Variants in OR10J1 observed in about 807,000 individuals in gnomAD.
The protein encoded by OR10J1 is olfactory receptor 10J1.
For missense variants in OR10J1, 474 were observed against 376.6 expected, an observed-to-expected ratio of 1.26 and a Z score of -2.14; for synonymous variants, 202 against 143.8, an observed-to-expected ratio of 1.40 and a Z score of -2.89.
At chr1:159,417,896 G>A in the OR10J1 span, among the ~76,000 whole-genome samples, 2 of 152,166 alleles carry the variant, frequency 1.3e-5, no homozygotes, top group Non-Finnish European at 2.9e-5. Flanking sequence ...GGTCTCAGAT[G>A]GAGATGAGAA....
At chr1:159,399,305 C>T in the OR10J1 span, among the ~76,000 whole-genome samples, 2 of 152,106 alleles carry the variant, frequency 1.3e-5, no homozygotes, top group Admixed American at 1.3e-4. Flanking sequence ...GGCGCGATGG[C>T]TCATGCCTGT....
the OR10J1 span, among the ~76,000 whole-genome samples, chr1:159,414,981 T>C: frequency 1.3e-5 from 2 of 152,192 alleles, no homozygotes; most frequent in African/African-American, 4.8e-5. Flanking sequence ...TAGTCCCTTG[T>C]GGGATGAATA....
the OR10J1 span, among the ~76,000 whole-genome samples, chr1:159,397,606 G>A: frequency 1.3e-5 from 2 of 152,122 alleles, no homozygotes; most frequent in African/African-American, 2.4e-5. Context: ...ATTGATGGTA[G>A]TCTGGCAGTA....
chr1:159,401,753 GC>G, the OR10J1 span, among the ~76,000 whole-genome samples: 6 of 151,854 alleles, frequency 4.0e-5, no homozygotes, highest in African/African-American at 1.4e-4. Flanking sequence ...TACAAGGCCA[GC>G]ATTATCCTGA....
chr1:159,406,529 G>A, the OR10J1 span: 141 of 191,790 alleles, frequency 7.4e-4, no homozygotes, highest in Non-Finnish European at 1.1e-3. Flanking sequence ...CTGATCAAGA[G>A]CTCAGCACTC....
chr1:159,426,622 A>G, the OR10J1 span, among the ~76,000 whole-genome samples: 9 of 151,880 alleles, frequency 5.9e-5, no homozygotes, highest in African/African-American at 2.2e-4. Flanking sequence ...AAAACATTCA[A>G]TGGTTTAGTA....
At chr1:159,438,868 G>T (rs915862620), upstream of OR10J1, among the ~76,000 whole-genome samples, 3 of 152,096 alleles carry the variant, frequency 2.0e-5, no homozygotes, top group Non-Finnish European at 4.4e-5. Context: ...ATGTATCTTT[G>T]GTGTAGCTGT....
Position 159,440,656 on chromosome 1 carries a change from T to A in OR10J1, c.865T>A (p.Tyr289Asn). 1 of 1,613,984 alleles carries A rather than the reference T, an allele frequency of 6.2e-7. No individual in the cohort carries two copies. Among genetic ancestry groups the A allele is most frequent in the South Asian group, 1.1e-5 (1 of 91,074 alleles). ...VITPLLNPVV[Y>N]TLRNKEVKDA... is the part of the protein sequence containing the mutation. ...CACTCCCCTACTGAACCCTGTGGTA[T>A]ACACCCTGAGAAATAAAGAGGTCAA... The change falls in exon 1 of 1, where the codon TAC (tyrosine) becomes AAC (asparagine). Residue 289 changes from tyrosine (Y) to asparagine (N), a missense_variant. Physicochemically the swap from Tyr to Asn is moderately radical, Grantham distance 143. Transcript: ENST00000423932.
At chr1:159,399,415 CA>C in the OR10J1 span, among the ~76,000 whole-genome samples, 1 of 151,400 alleles carries the variant, frequency 6.6e-6, no homozygotes. Context: ...CTAAAAAATA[CA>C]AAAAATTAGC....
the OR10J1 span, among the ~76,000 whole-genome samples, chr1:159,413,331 A>T: frequency 6.6e-6 from 1 of 151,982 alleles, no homozygotes; most frequent in Non-Finnish European, 1.5e-5. Context: ...CAGCCATCCC[A>T]TTACTGGGTA....
chr1:159,405,632 C>T, the OR10J1 span: 1 of 432,604 alleles, frequency 2.3e-6, no homozygotes, highest in South Asian at 2.2e-5. Context: ...TGGCTGATGA[C>T]CACTATGAGA....
At position 159,439,926 on chromosome 1, in the gene OR10J1, T is replaced by C. The variant is rs112577371; in HGVS notation, c.135T>C (p.Ile45=). The change falls in exon 1 of 1, where the codon ATT becomes ATC. Residue 45 remains isoleucine (I), a synonymous_variant. Transcript: ENST00000423932. ...YILTLAGNII[I]VTIIRMDLHL... Reference sequence around the variant, plus strand: ...TAACCTTAGCAGGCAATATCATCATTGTGACCATCATCCGAATGGATCTTC... The same window carrying C: ...TAACCTTAGCAGGCAATATCATCATCGTGACCATCATCCGAATGGATCTTC... The C allele has an allele frequency of 1.2e-6, 2 of 1,614,004 alleles. 1 individual carries two copies. Among genetic ancestry groups the C allele is most frequent in the South Asian group, 2.2e-5 (2 of 91,082 alleles).
the OR10J1 span, among the ~76,000 whole-genome samples, chr1:159,423,350 G>A: frequency 2.0e-5 from 3 of 152,176 alleles, no homozygotes; most frequent in African/African-American, 2.4e-5. Context: ...TTACATTTCT[G>A]TACATCTTGT....
the OR10J1 span, chr1:159,405,705 G>A: frequency 1.5e-6 from 1 of 665,756 alleles, no homozygotes; most frequent in Non-Finnish European, 2.7e-6. Context: ...TAAGGATGGT[G>A]TAGATGATGA....
the OR10J1 span, among the ~76,000 whole-genome samples, chr1:159,423,131 A>G: frequency 6.6e-6 from 1 of 152,136 alleles, no homozygotes; most frequent in African/African-American, 2.4e-5. Flanking sequence ...TTTTCTTTAT[A>G]CAACAGATGG....
the OR10J1 span, among the ~76,000 whole-genome samples, chr1:159,407,822 C>T: frequency 6.6e-6 from 1 of 152,150 alleles, no homozygotes; most frequent in South Asian, 2.1e-4. Context: ...AATTCAATAG[C>T]TAGTACATTT....
At chr1:159,415,081 T>C in the OR10J1 span, among the ~76,000 whole-genome samples, 3 of 151,980 alleles carry the variant, frequency 2.0e-5, no homozygotes, top group African/African-American at 4.8e-5. Context: ...TTTAATAGAG[T>C]TCAATTTATC....
the OR10J1 span, among the ~76,000 whole-genome samples, chr1:159,398,663 AAGAG>A: frequency 6.0e-3 from 919 of 152,344 alleles, 5 homozygotes; most frequent in Middle Eastern, 0.014. Flanking sequence ...GATCAAGAAG[AAGAG>A]AGAATTAGTG....
chr1:159,418,622 G>A, the OR10J1 span, among the ~76,000 whole-genome samples: 11 of 152,166 alleles, frequency 7.2e-5, no homozygotes, highest in Non-Finnish European at 1.2e-4. Flanking sequence ...CCTCTGCTTG[G>A]GCAGTGTGGC....
Sources: allele counts gnomAD v4.1 joint callset (sites outside exome capture counted in the v4.1 genomes callset), GRCh38; gene constraint gnomAD v4.1.1; transcripts MANE v1.5; gene names NCBI Gene and HGNC (gene_info 2026-07-23, HGNC 2026-07-21).